The following CUEDC1 variants were observed in gnomAD, a reference collection of about 807,000 sequenced individuals.
CUEDC1 encodes CUE domain-containing protein 1.
Under a neutral mutation model 43.7 loss-of-function variants are expected in CUEDC1, and 30 were observed. That is an observed-to-expected ratio of 0.69 (90% CI 0.51 to 0.93). The LOEUF is 0.93. CUEDC1 is among the 40% of genes least tolerant of loss of function. The pLI is 0.00. For missense variants in CUEDC1, 486 were observed against 549.0 expected (o/e 0.89, Z 1.15); for synonymous variants, 223 against 223.6 (o/e 1.00, Z 0.02).
chr17:57,904,463 A>G lies in CUEDC1; in HGVS notation c.-315-18584T>C, dbSNP rs1597998468. On this transcript the variant is annotated intron_variant, in intron 1 of 10. Coordinates refer to ENST00000577830, the MANE Select transcript of CUEDC1 (RefSeq NM_001271875.2). Reference sequence around the variant, plus strand: ...ATATGGTCACCAGAGGAAAAAAGTCAATCAACGAGGAAAAATCTGTTTCTA... The same window carrying G: ...ATATGGTCACCAGAGGAAAAAAGTCGATCAACGAGGAAAAATCTGTTTCTA... Among the ~76,000 whole-genome samples the G allele has an allele frequency of 3.3e-5, 5 of 152,292 alleles. No homozygotes were observed. The South Asian group carries it at 1.0e-3, about 32-fold the overall frequency.
intron 1 of CUEDC1, among the ~76,000 whole-genome samples, chr17:57,927,475 CA>C (rs2074759552): frequency 1.3e-5 from 2 of 152,140 alleles, no homozygotes; most frequent in African/African-American, 4.8e-5. Flanking sequence ...CCCTCCTGCC[CA>C]CACCCTCTGG....
At position 57,953,149 on chromosome 17, in the gene CUEDC1, C is replaced by T. The variant is rs144325328; in HGVS notation, c.-316+2076G>A. Among the ~76,000 whole-genome samples the T allele has an allele frequency of 2.2e-3, 338 of 152,322 alleles. 2 individuals carry two copies. The highest frequency in any genetic ancestry group is 7.8e-3 in the African/African-American group (323 of 41,574). On this transcript the variant is annotated intron_variant, in intron 1 of 10. Transcript: ENST00000577830. ...ACTCTCTACTAAAGCACCTCAACCC[C>T]ATTTCCCCAAGAACAAGCTGGAGCT...
intron 1 of CUEDC1, among the ~76,000 whole-genome samples, chr17:57,944,174 TGTTA>T (rs1360607373): frequency 2.0e-5 from 3 of 150,702 alleles, no homozygotes; most frequent in Non-Finnish European, 3.0e-5. Context: ...ATGCAATAAA[TGTTA>T]GTTATTATTA....
chr17:57,897,665 A>G (rs1250291303), intron 1 of CUEDC1, among the ~76,000 whole-genome samples: 3 of 151,514 alleles, frequency 2.0e-5, no homozygotes, highest in African/African-American at 7.3e-5. Flanking sequence ...AAAAAAAAAA[A>G]AAAAAAAAGT....
At chr17:57,897,991 C>T (rs1398129782) in intron 1 of CUEDC1, among the ~76,000 whole-genome samples, 2 of 152,140 alleles carry the variant, frequency 1.3e-5, no homozygotes, top group Non-Finnish European at 2.9e-5. Flanking sequence ...CCAGCCTGGG[C>T]GACAGTGCGA....
chr17:57,941,529 CT>C (rs1225117641), intron 1 of CUEDC1, among the ~76,000 whole-genome samples: 7 of 152,252 alleles, frequency 4.6e-5, no homozygotes, highest in Admixed American at 2.6e-4. Context: ...CCAAAGGTGT[CT>C]GCTGTATGCC....
chr17:57,908,542 G>A (rs138051144), intron 1 of CUEDC1, among the ~76,000 whole-genome samples: 10 of 152,330 alleles, frequency 6.6e-5, no homozygotes, highest in South Asian at 2.1e-4. Flanking sequence ...TGTGGTCAGC[G>A]GCAGCTCTGC....
rs1261204361 is a variant in CUEDC1 at position 57,866,534 on chromosome 17, G to C, written c.1104C>G (p.Phe368Leu). Residue 368 changes from phenylalanine to leucine, a missense_variant, in exon 10 of 11, where the codon TTC becomes TTG. Phe to Leu is a conservative substitution (Grantham distance 22, BLOSUM62 0). Coordinates refer to ENST00000577830, the MANE Select transcript of CUEDC1 (RefSeq NM_001271875.2). ...DVEGHACDED[F>L]RGRRQEAPKV... The stretch of plus-strand genomic sequence containing the variant: ...TGGGTGCCTCCTGACGCCTGCCCCG[G>C]AAGTCTTCATCTGAAAAGGAGAGGG... The C allele has an allele frequency of 3.1e-6, 5 of 1,614,062 alleles. No homozygotes were observed. In the African/African-American group the frequency reaches 5.3e-5, roughly 17 times the overall value.
chr17:57,897,214 G>T (rs891226294), intron 1 of CUEDC1, among the ~76,000 whole-genome samples: 3 of 152,120 alleles, frequency 2.0e-5, no homozygotes, highest in Admixed American at 6.5e-5. Flanking sequence ...CCACAGTACA[G>T]CAATGAATAC....
chr17:57,876,286 C>A (rs1031150818), intron 3 of CUEDC1, among the ~76,000 whole-genome samples: 2 of 152,148 alleles, frequency 1.3e-5, no homozygotes, highest in Non-Finnish European at 2.9e-5. Flanking sequence ...TAGGTACTTC[C>A]AGGAGGTCTC....
chr17:57,907,234 T>C (rs1447566624), intron 1 of CUEDC1, among the ~76,000 whole-genome samples: 1 of 152,158 alleles, frequency 6.6e-6, no homozygotes, highest in Non-Finnish European at 1.5e-5. Context: ...ACATTTGAAA[T>C]CCTTGCGTTA....
intron 1 of CUEDC1, among the ~76,000 whole-genome samples, chr17:57,896,217 AGAT>A (rs1318855071): frequency 1.3e-5 from 2 of 152,186 alleles, no homozygotes; most frequent in Non-Finnish European, 2.9e-5. Context: ...ATTTACCTAC[AGAT>A]GATATGTTTG....
At chr17:57,952,227 T>C (rs921642025) in intron 1 of CUEDC1, among the ~76,000 whole-genome samples, 5 of 151,718 alleles carry the variant, frequency 3.3e-5, no homozygotes, top group African/African-American at 7.3e-5. Flanking sequence ...TATTTATTTA[T>C]TTATGTTTTT....
intron 2 of CUEDC1, among the ~76,000 whole-genome samples, chr17:57,881,251 ACC>A (rs2074200531): frequency 1.3e-5 from 2 of 152,218 alleles, no homozygotes; most frequent in Non-Finnish European, 2.9e-5. Context: ...AGCTAGCTAA[ACC>A]CAAGGAGGCC....
chr17:57,898,962 C>T (rs1318596018), intron 1 of CUEDC1, among the ~76,000 whole-genome samples: 1 of 152,186 alleles, frequency 6.6e-6, no homozygotes, highest in African/African-American at 2.4e-5. Flanking sequence ...GGCCTGTCCC[C>T]CAAGGGAGGG....
chr17:57,870,680 T>A (rs1277384683), intron 6 of CUEDC1, among the ~76,000 whole-genome samples: 1 of 60,158 alleles, frequency 1.7e-5, no homozygotes, highest in Non-Finnish European at 3.5e-5. Flanking sequence ...CCTTTTCTTC[T>A]TTTTTTTTTT....
In CUEDC1 at chr17:57,868,227, C is replaced by A; in HGVS notation, c.957G>T (p.Leu319=). 1 of 1,614,208 alleles carries A rather than the reference C, an allele frequency of 6.2e-7. No homozygotes were observed. The highest frequency in any genetic ancestry group is 8.5e-7 in the Non-Finnish European group (1 of 1,180,018). Residue 319 remains leucine, a synonymous_variant, in exon 8 of 11, where the codon CTG becomes CTT. Coordinates refer to ENST00000577830, the MANE Select transcript of CUEDC1 (RefSeq NM_001271875.2). ...CTGAGAAGGCTCGGGCAAGTTCAAA[C>A]AGTTTCCTCCGGGTGGCTGGGGGCA... ...KHMGKSTRRK[L]FELARAFSEK...
intron 1 of CUEDC1, among the ~76,000 whole-genome samples, chr17:57,925,643 G>A (rs919059326): frequency 2.0e-5 from 3 of 152,096 alleles, no homozygotes; most frequent in Non-Finnish European, 2.9e-5. Context: ...TGCCAGTGCC[G>A]CCACCCCCAA....
chr17:57,946,458 C>A (rs940116569), intron 1 of CUEDC1, among the ~76,000 whole-genome samples: 7 of 152,060 alleles, frequency 4.6e-5, no homozygotes, highest in Admixed American at 1.3e-4. Context: ...CTCAAGCCGT[C>A]TCAGGAAAAA....
Sources: gnomAD v4.1 joint callset for allele counts (sites outside exome capture counted in the v4.1 genomes callset) on GRCh38, gnomAD v4.1.1 for gene constraint, MANE v1.5 for transcripts, NCBI Gene and HGNC (gene_info 2026-07-23, HGNC 2026-07-21) for gene names.